Variants in NCR1 observed in about 807,000 individuals in gnomAD.
The protein encoded by NCR1 is NK cell-activating receptor.
In NCR1, 30 loss-of-function variants were observed where a neutral mutation model predicts 32.5. That is an observed-to-expected ratio of 0.92 (90% CI 0.69 to 1.25). NCR1 has a LOEUF of 1.25. Ranked by LOEUF, NCR1 falls within the 50% of genes most tolerant of loss-of-function variation. The pLI is 0.00. For synonymous variants in NCR1, 169 were observed against 143.4 expected, an observed-to-expected ratio of 1.18 and a Z score of -1.28; for missense variants, 369 against 380.7, an observed-to-expected ratio of 0.97 and a Z score of 0.26.
At chr19:54,936,972 GGAGGCC>G in the NCR1 span, among the ~76,000 whole-genome samples, 116 of 151,886 alleles carry the variant, frequency 7.6e-4, no homozygotes, top group South Asian at 1.5e-3. Flanking sequence ...CAGCACTTTG[GGAGGCC>G]GAGGCCGAGG....
At chr19:54,916,702 ATTTTTTTTT>A (rs35842513), downstream of NCR1, among the ~76,000 whole-genome samples, 3 of 50,474 alleles carry the variant, frequency 5.9e-5, no homozygotes, top group African/African-American at 1.7e-4. Context: ...CAACTGTTCT[ATTTTTTTTT>A]TTTTTTTTTT....
upstream of NCR1, among the ~76,000 whole-genome samples, chr19:54,905,795 G>C (rs1287700872): frequency 6.6e-6 from 1 of 152,092 alleles, no homozygotes; most frequent in African/African-American, 2.4e-5. Flanking sequence ...TTTAATTCCT[G>C]TTCCAGTATC....
At chr19:54,900,923 G>T in the NCR1 span, among the ~76,000 whole-genome samples, 1 of 151,678 alleles carries the variant, frequency 6.6e-6, no homozygotes, top group Non-Finnish European at 1.5e-5. Flanking sequence ...TTAAACCATT[G>T]AATTATGCAC....
At chr19:54,911,220 G>A (rs1390541962) in intron 5 of NCR1, among the ~76,000 whole-genome samples, 1 of 151,798 alleles carries the variant, frequency 6.6e-6, no homozygotes, top group African/African-American at 2.4e-5. Flanking sequence ...GTGGTGGCGG[G>A]CGCCTGTAGT....
chr19:54,927,534 T>C, the NCR1 span: 1 of 1,501,902 alleles, frequency 6.7e-7, no homozygotes, highest in Non-Finnish European at 9.2e-7. Context: ...CCAGCCTGAA[T>C]GACAGAGCAC....
intron 3 of NCR1, among the ~76,000 whole-genome samples, chr19:54,908,298 GT>G (rs2146048969): frequency 6.6e-6 from 1 of 152,270 alleles, no homozygotes; most frequent in African/African-American, 2.4e-5. Flanking sequence ...AGAGCACGGG[GT>G]TGGGGGTAAG....
At chr19:54,909,898 G>A (rs914678566) in intron 4 of NCR1, 120 bp from the exon 5 acceptor site, 69 of 780,570 alleles carry the variant, frequency 8.8e-5, no homozygotes, top group East Asian at 5.7e-4. Context: ...TCATACCACC[G>A]CACTGCAACC....
downstream of NCR1, among the ~76,000 whole-genome samples, chr19:54,917,783 A>C (rs530882465): frequency 3.5e-4 from 53 of 152,202 alleles, no homozygotes; most frequent in African/African-American, 1.2e-3. Context: ...GCTTCCTACA[A>C]TGCCCAGGGC....
intron 4 of NCR1, 113 bp downstream of exon 4, chr19:54,909,636 G>T (rs2078702531): frequency 8.3e-6 from 11 of 1,332,350 alleles, no homozygotes; most frequent in African/African-American, 1.5e-5. Context: ...CTTCCTGGGT[G>T]CCTGGTTGGT....
chr19:54,926,864 CGA>C, the NCR1 span, among the ~76,000 whole-genome samples: 1 of 148,368 alleles, frequency 6.7e-6, no homozygotes, highest in African/African-American at 2.5e-5. Flanking sequence ...TGCACTGAGC[CGA>C]GATAGCGCCA....
upstream of NCR1, among the ~76,000 whole-genome samples, chr19:54,904,602 G>A (rs757460251): frequency 1.4e-5 from 2 of 146,302 alleles, no homozygotes; most frequent in Admixed American, 7.1e-5. Context: ...GCACCATCTC[G>A]GCTCACTGCA....
the NCR1 span, chr19:54,938,178 T>C: frequency 1.4e-5 from 22 of 1,613,968 alleles, no homozygotes; most frequent in African/African-American, 1.3e-4. Context: ...AGCAGAAATC[T>C]GTCCAGAGGC....
chr19:54,906,396 C>T (rs2067613505), intron 2 of NCR1, 62 bp downstream of exon 2: 2 of 1,606,826 alleles, frequency 1.2e-6, no homozygotes, highest in Non-Finnish European at 1.7e-6. Context: ...TCCTTCCACC[C>T]AAGCACGGCT....
upstream of NCR1, among the ~76,000 whole-genome samples, chr19:54,904,341 C>T (rs587742358): frequency 1.8e-4 from 28 of 151,790 alleles, no homozygotes; most frequent in East Asian, 5.2e-3. Flanking sequence ...AACGTCAAAA[C>T]CCCTATTTTT....
the NCR1 span, among the ~76,000 whole-genome samples, chr19:54,931,588 T>G: frequency 6.6e-6 from 1 of 151,810 alleles, no homozygotes; most frequent in African/African-American, 2.4e-5. Flanking sequence ...CTCAGGAGGC[T>G]GAGGCAGGAG....
At chr19:54,935,818 T>C in the NCR1 span, among the ~76,000 whole-genome samples, 1 of 151,890 alleles carries the variant, frequency 6.6e-6, no homozygotes, top group Non-Finnish European at 1.5e-5. Context: ...AGTGCGAGGA[T>C]CATGCACTCC....
upstream of NCR1, among the ~76,000 whole-genome samples, chr19:54,901,360 C>CAAAAAAAAAAA (rs80189325): frequency 1.1e-5 from 1 of 91,212 alleles, no homozygotes; most frequent in African/African-American, 5.2e-5. Flanking sequence ...GAGTCCATCT[C>CAAAAAAAAAAA]AAAAAAAAAA....
chr19:54,909,979 CA>C, intron 4 of NCR1, 38 bp from the exon 5 acceptor site: 2 of 1,553,924 alleles, frequency 1.3e-6, no homozygotes, highest in East Asian at 2.3e-5. Flanking sequence ...CGGAGGAAAC[CA>C]AAAACCCTTA....
downstream of NCR1, among the ~76,000 whole-genome samples, chr19:54,914,546 C>T (rs538131401): frequency 6.6e-6 from 1 of 151,796 alleles, no homozygotes; most frequent in East Asian, 1.9e-4. Flanking sequence ...ACAATGTTGG[C>T]CAGACTGGTC....
Sources: gnomAD v4.1 joint callset for allele counts (sites outside exome capture counted in the v4.1 genomes callset) on GRCh38, gnomAD v4.1.1 for gene constraint, MANE v1.5 for transcripts, NCBI Gene and HGNC (gene_info 2026-07-23, HGNC 2026-07-21) for gene names.